Variants in NRXN3 observed in about 807,000 individuals in gnomAD.
NRXN3 encodes the protein neurexin 3.
A neutral mutation model predicts 137.6 loss-of-function variants in NRXN3; 32 were observed. The observed-to-expected ratio is 0.23, with a 90% CI of 0.18 to 0.31. The LOEUF (loss-of-function observed/expected upper bound fraction) is 0.31, where lower values mean the gene tolerates loss of function less well. NRXN3 is among the 10% of genes least tolerant of loss of function. NRXN3 has a pLI of 1.00. For synonymous variants in NRXN3, 798 were observed against 784.5 expected (o/e 1.02, Z -0.29); for missense variants, 1,574 against 2,062.5 (o/e 0.76, Z 4.59).
intron 10 of NRXN3, among the ~76,000 whole-genome samples, chr14:78,917,956 CAAAAATAAA>C (rs1318859099): frequency 4.6e-5 from 4 of 87,862 alleles, no homozygotes; most frequent in Admixed American, 1.4e-4. Flanking sequence ...TGTGATTTTG[CAAAAATAAA>C]AAAAATAAAA....
Position 78,869,727 on chromosome 14 carries a change from G to T in NRXN3, c.2275+59383G>T, listed in dbSNP as rs533200829. On this transcript the variant is annotated intron_variant, in intron 10 of 20. Transcript: ENST00000335750. ...CTTCCTTCATCTCAAATATCCACTG[G>T]ATTAGGTACATCTGTGTGTACTTCA... 8.5e-5 allele frequency among the ~76,000 whole-genome samples: 13 copies of T among 152,128 alleles called. No individual in the cohort carries two copies. In the South Asian group the frequency reaches 2.7e-3, roughly 32 times the overall value.
chr14:79,445,111 G>A (rs1251589264), intron 15 of NRXN3, among the ~76,000 whole-genome samples: 5 of 152,226 alleles, frequency 3.3e-5, no homozygotes, highest in East Asian at 1.9e-4. Context: ...AGAGGCTGAG[G>A]CGGGCAGATC....
chr14:78,486,540 T>G (rs2095561872), intron 4 of NRXN3, among the ~76,000 whole-genome samples: 1 of 152,114 alleles, frequency 6.6e-6, no homozygotes, highest in South Asian at 2.1e-4. Context: ...GAAATTGATT[T>G]GTTAACCCTT....
chr14:79,397,890 C>T (rs1423959576), intron 15 of NRXN3, among the ~76,000 whole-genome samples: 1 of 152,144 alleles, frequency 6.6e-6, no homozygotes, highest in Non-Finnish European at 1.5e-5. Context: ...TACATGGAAT[C>T]CAAATGAAGT....
At chr14:79,852,234 AACACACACACAC>A (rs45581833) in intron 20 of NRXN3, among the ~76,000 whole-genome samples, 2,512 of 128,252 alleles carry the variant, frequency 0.02, 84 homozygotes, top group African/African-American at 0.069. Context: ...TTCAACTCCC[AACACACACACAC>A]ACACACACAC....
intron 8 of NRXN3, among the ~76,000 whole-genome samples, chr14:78,802,501 T>TATATGTAACTAACCTAGG (rs2098842333): frequency 6.6e-6 from 1 of 152,234 alleles, no homozygotes; most frequent in African/African-American, 2.4e-5. Flanking sequence ...ACCTGCACGT[T>TATATGTAACTAACCTAGG]GTGCACATGT....
intron 4 of NRXN3, among the ~76,000 whole-genome samples, chr14:78,380,176 C>T (rs1227292094): frequency 2.6e-5 from 4 of 151,818 alleles, no homozygotes; most frequent in African/African-American, 4.8e-5. Flanking sequence ...TTCAATTCTC[C>T]CTGAATTGAT....
chr14:79,495,143 T>C (rs2096754022), intron 16 of NRXN3, among the ~76,000 whole-genome samples: 1 of 152,180 alleles, frequency 6.6e-6, no homozygotes, highest in Non-Finnish European at 1.5e-5. Context: ...GGACTGTTCC[T>C]GAGGCTGGAG....
chr14:79,404,578 A>AG (rs1194547741), intron 15 of NRXN3, among the ~76,000 whole-genome samples: 2 of 152,156 alleles, frequency 1.3e-5, no homozygotes, highest in East Asian at 3.9e-4. Flanking sequence ...CTCTAAGAAA[A>AG]GGTAGGGGGC....
intron 10 of NRXN3, among the ~76,000 whole-genome samples, chr14:78,824,715 A>C (rs779074875): frequency 4.6e-5 from 7 of 152,196 alleles, no homozygotes; most frequent in Non-Finnish European, 8.8e-5. Context: ...GCTAAATTTA[A>C]ATTAAAAAAA....
At chr14:79,436,499 C>T (rs1483076076) in intron 15 of NRXN3, among the ~76,000 whole-genome samples, 1 of 152,108 alleles carries the variant, frequency 6.6e-6, no homozygotes, top group African/African-American at 2.4e-5. Flanking sequence ...AGACTGCTTA[C>T]CCAGCTGTAT....
chr14:79,440,747 AT>A (rs1016830496), intron 15 of NRXN3, among the ~76,000 whole-genome samples: 4 of 152,080 alleles, frequency 2.6e-5, no homozygotes, highest in African/African-American at 4.8e-5. Flanking sequence ...TCAAAAAAAA[AT>A]TTTTTTTAAT....
chr14:79,434,940 C>T (rs11625620), intron 15 of NRXN3, among the ~76,000 whole-genome samples: 42,571 of 151,994 alleles, frequency 0.28, 6,337 homozygotes, highest in Non-Finnish European at 0.33. Context: ...TGACTGAATC[C>T]GGTTCTGGAG....
At chr14:78,624,977 G>A (rs183324077) in intron 4 of NRXN3, among the ~76,000 whole-genome samples, 1 of 152,274 alleles carries the variant, frequency 6.6e-6, no homozygotes, top group Non-Finnish European at 1.5e-5. Flanking sequence ...GAGTAGCTGG[G>A]ACTACAGGCG....
At chr14:79,271,139 T>C (rs757668154) in intron 15 of NRXN3, among the ~76,000 whole-genome samples, 7 of 152,234 alleles carry the variant, frequency 4.6e-5, no homozygotes, top group Non-Finnish European at 1.0e-4. Context: ...ATGTTTGAAC[T>C]AGGATGTTCC....
intron 1 of NRXN3, among the ~76,000 whole-genome samples, chr14:78,228,766 C>T (rs1241354801): frequency 6.6e-6 from 1 of 152,138 alleles, no homozygotes; most frequent in Non-Finnish European, 1.5e-5. Flanking sequence ...TTAACTGAAT[C>T]CCAGAATACC....
At chr14:79,070,243 G>T (rs1489962385) in intron 15 of NRXN3, among the ~76,000 whole-genome samples, 3 of 152,160 alleles carry the variant, frequency 2.0e-5, no homozygotes, top group African/African-American at 7.2e-5. Context: ...AACTCTATGT[G>T]ATTCTATTAT....
intron 16 of NRXN3, among the ~76,000 whole-genome samples, chr14:79,607,290 A>G (rs1206397476): frequency 1.3e-5 from 2 of 152,254 alleles, no homozygotes; most frequent in African/African-American, 2.4e-5. Flanking sequence ...ATCTTTTCCA[A>G]TGAAAACACA....
chr14:78,187,954 A>G (rs1032837076), intron 1 of NRXN3, among the ~76,000 whole-genome samples: 1 of 152,142 alleles, frequency 6.6e-6, no homozygotes, highest in African/African-American at 2.4e-5. Flanking sequence ...CAACTTCACT[A>G]CCAATTCACT....
Sources: gnomAD v4.1 joint callset for allele counts (sites outside exome capture counted in the v4.1 genomes callset) on GRCh38, gnomAD v4.1.1 for gene constraint, MANE v1.5 for transcripts, NCBI Gene and HGNC (gene_info 2026-07-23, HGNC 2026-07-21) for gene names.